The following TF variants were observed in gnomAD, a reference collection of about 807,000 sequenced individuals.
The protein encoded by TF is serotransferrin.
Under a neutral mutation model 82.4 loss-of-function variants are expected in TF, and 55 were observed. That is an observed-to-expected ratio of 0.67 (90% CI 0.54 to 0.84). The LOEUF (loss-of-function observed/expected upper bound fraction) is 0.84. Ranked by LOEUF, TF falls within the 40% of genes least tolerant of loss-of-function variation. The pLI, the probability that TF is intolerant of heterozygous loss-of-function variation, is 0.00. For missense variants in TF, 737 were observed against 868.4 expected (o/e 0.85, Z 1.90); for synonymous variants, 332 against 332.6 (o/e 1.00, Z 0.02).
the TF span, among the ~76,000 whole-genome samples, chr3:133,725,284 A>G: frequency 6.6e-6 from 1 of 152,238 alleles, no homozygotes; most frequent in Non-Finnish European, 1.5e-5. Context: ...CTTCCTAACC[A>G]TGAGCATGGA....
At chr3:133,714,983 C>T in the TF span, among the ~76,000 whole-genome samples, 2 of 151,992 alleles carry the variant, frequency 1.3e-5, no homozygotes, top group Non-Finnish European at 2.9e-5. Flanking sequence ...ACACCCAGCC[C>T]TTTAAGTTTC....
chr3:133,751,732 C>T (rs750401761), intron 2 of TF, among the ~76,000 whole-genome samples: 7 of 152,120 alleles, frequency 4.6e-5, no homozygotes, highest in Non-Finnish European at 8.8e-5. Context: ...TGGCTCACGC[C>T]TGTAATCCCA....
At chr3:133,677,534 G>T in the TF span, among the ~76,000 whole-genome samples, 1 of 152,118 alleles carries the variant, frequency 6.6e-6, no homozygotes. Flanking sequence ...CTACTCGGGA[G>T]GCTGAGGCAG....
chr3:133,745,842 A>C, upstream of TF: 5 of 154,940 alleles, frequency 3.2e-5, no homozygotes, highest in South Asian at 2.0e-4. Flanking sequence ...TCCGTGGGGG[A>C]CCTTTGAGAG....
chr3:133,735,339 C>A, the TF span, among the ~76,000 whole-genome samples: 365 of 123,352 alleles, frequency 3.0e-3, 2 homozygotes, highest in African/African-American at 8.0e-3. Flanking sequence ...GACTCCATCC[C>A]AAAAAAAAAA....
At chr3:133,769,359 T>C (rs1934204291) in intron 13 of TF, among the ~76,000 whole-genome samples, 1 of 152,206 alleles carries the variant, frequency 6.6e-6, no homozygotes, top group Non-Finnish European at 1.5e-5. Flanking sequence ...AAAATAGAGT[T>C]CCCCTTTGCA....
the TF span, among the ~76,000 whole-genome samples, chr3:133,681,543 A>G: frequency 1.3e-5 from 2 of 152,222 alleles, no homozygotes; most frequent in African/African-American, 4.8e-5. Context: ...ACGGCACACC[A>G]GGAGATTATA....
the TF span, among the ~76,000 whole-genome samples, chr3:133,737,300 G>A: frequency 2.7e-3 from 405 of 152,162 alleles, 1 homozygote; most frequent in African/African-American, 9.5e-3. Flanking sequence ...AGAATCTCTG[G>A]GACACAGCTA....
chr3:133,746,498 G>A lies in TF; in HGVS notation c.43+15G>A. 2.5e-6 allele frequency: 4 copies of A among 1,593,418 alleles called. No individual in the cohort carries two copies. Among genetic ancestry groups the A allele is most frequent in the Non-Finnish European group, 3.4e-6 (4 of 1,175,418 alleles). ...CGCCGTCCTGGGTGAGTGCGGGCAC[G>A]GGGTAGCACCGCAGAGTCGCTGGCC... On this transcript the variant is annotated intron_variant, in intron 1 of 16. Coordinates refer to ENST00000402696, the MANE Select transcript of TF (RefSeq NM_001063.4).
chr3:133,783,073 T>G lies in TF; in HGVS notation c.*4453T>G, dbSNP rs1489464992. ...ATGATGAACAAGCCTAGAGATCTAA[T>G]GTACAACATAAGGACCACAGTATAG... On this transcript the variant is annotated 3_prime_UTR_variant, in exon 17 of 17. Transcript: ENST00000402696. 2.6e-5 allele frequency: 4 copies of G among 152,178 alleles called. No individual in the cohort carries two copies. Among genetic ancestry groups the G allele is most frequent in the Non-Finnish European group, 4.4e-5 (3 of 68,040 alleles). 9.4% of individuals were successfully genotyped at this position (152,178 alleles called of 1,614,324 possible). A position where few individuals can be genotyped will look rare whatever the true frequency, so the allele number is the denominator to read the frequency against.
At chr3:133,696,667 C>T in the TF span, among the ~76,000 whole-genome samples, 1 of 152,206 alleles carries the variant, frequency 6.6e-6, no homozygotes, top group Non-Finnish European at 1.5e-5. Context: ...AAATGTCTCT[C>T]AACTGCTTCA....
At chr3:133,774,999 AG>A (rs1306208030) in intron 14 of TF, 2 of 336,166 alleles carry the variant, frequency 5.9e-6, no homozygotes, top group African/African-American at 4.3e-5. Context: ...ATTCTGGTGC[AG>A]ATTCCAAAGG....
In TF at chr3:133,784,260, A is replaced by AG. The variant is rs1393342198; in HGVS notation, c.*5642dup. 2.0e-5 allele frequency: 3 copies of AG among 152,294 alleles called. No homozygotes were observed. The highest frequency in any genetic ancestry group is 7.2e-5 in the African/African-American group (3 of 41,560). 9.4% of individuals were successfully genotyped at this position (152,294 alleles called of 1,614,324 possible). ...AAGTGTAAGAATAACTTGCGCCATTAGGCCCATCGGAAAGGCCCACCACCC... is the reference window on the plus strand; with the variant it reads ...AAGTGTAAGAATAACTTGCGCCATTAGGGCCCATCGGAAAGGCCCACCACCC... On this transcript the variant is annotated 3_prime_UTR_variant, in exon 17 of 17. Coordinates refer to ENST00000402696, the MANE Select transcript of TF (RefSeq NM_001063.4).
chr3:133,694,471 TG>T, the TF span: 1 of 152,752 alleles, frequency 6.5e-6, no homozygotes, highest in Admixed American at 6.5e-5. Flanking sequence ...GTGAGAAATC[TG>T]GGGTCCCAGG....
the TF span, among the ~76,000 whole-genome samples, chr3:133,686,722 A>G: frequency 1.6e-4 from 24 of 152,320 alleles, no homozygotes; most frequent in Admixed American, 5.2e-4. Flanking sequence ...AGGATGTGGA[A>G]AAATAGGAAT....
the TF span, among the ~76,000 whole-genome samples, chr3:133,713,097 A>T: frequency 1.3e-5 from 2 of 152,188 alleles, no homozygotes; most frequent in Non-Finnish European, 2.9e-5. Context: ...CTTCTGTGTG[A>T]CTGTGGACAA....
the TF span, among the ~76,000 whole-genome samples, chr3:133,683,526 A>C: frequency 6.6e-6 from 1 of 152,166 alleles, no homozygotes; most frequent in Non-Finnish European, 1.5e-5. Flanking sequence ...CAAATGGGAA[A>C]CAAAAAAAAA....
At chr3:133,762,606 T>TG (rs980366263) in intron 9 of TF, among the ~76,000 whole-genome samples, 36 of 152,278 alleles carry the variant, frequency 2.4e-4, no homozygotes, top group African/African-American at 8.4e-4. Flanking sequence ...GTTCCAAGAC[T>TG]GGGGGTCTTG....
In TF at chr3:133,782,563, C is replaced by T. The variant is rs9843728; in HGVS notation, c.*3943C>T. ...GAAAAATATTACACGATTTCACTCACATGGGGAATCTAAAGAAAACACTCA... is the reference window on the plus strand; with the variant it reads ...GAAAAATATTACACGATTTCACTCATATGGGGAATCTAAAGAAAACACTCA... On this transcript the variant is annotated 3_prime_UTR_variant, in exon 17 of 17. Transcript: ENST00000402696. 0.38 allele frequency: 57,008 copies of T among 151,908 alleles called. 10,998 individuals are homozygous for T. Among genetic ancestry groups the T allele is most frequent in the African/African-American group, 0.43 (17,827 of 41,384 alleles). 9.4% of individuals were successfully genotyped at this position (151,908 alleles called of 1,614,324 possible). A position where few individuals can be genotyped will look rare whatever the true frequency, so the allele number is the denominator to read the frequency against.
Sources: gnomAD v4.1 joint callset for allele counts (sites outside exome capture counted in the v4.1 genomes callset) on GRCh38, gnomAD v4.1.1 for gene constraint, MANE v1.5 for transcripts, NCBI Gene and HGNC (gene_info 2026-07-23, HGNC 2026-07-21) for gene names.